The following CSNK1G2 variants were observed in gnomAD, a reference collection of about 807,000 sequenced individuals.
The protein encoded by CSNK1G2 is casein kinase I isoform gamma-2.
In CSNK1G2, 11 loss-of-function variants were observed where a neutral mutation model predicts 48.0. That is an observed-to-expected ratio of 0.23 (90% CI 0.14 to 0.38). CSNK1G2 has a LOEUF of 0.38. Among genes scored for constraint, CSNK1G2 ranks in the 10% least tolerant of loss-of-function variants. The pLI is 1.00. For missense variants in CSNK1G2, 446 were observed against 595.5 expected, an observed-to-expected ratio of 0.75 and a Z score of 2.61; for synonymous variants, 337 against 254.1, an observed-to-expected ratio of 1.33 and a Z score of -3.10.
intron 1 of CSNK1G2, among the ~76,000 whole-genome samples, chr19:1,948,209 G>C (rs977989558): frequency 3.9e-5 from 6 of 152,172 alleles, no homozygotes; most frequent in African/African-American, 7.2e-5. Flanking sequence ...GGCCAGAGCC[G>C]GGCTCACAGC....
intron 1 of CSNK1G2, among the ~76,000 whole-genome samples, chr19:1,949,801 C>T (rs1052975676): frequency 8.5e-5 from 13 of 152,236 alleles, no homozygotes; most frequent in African/African-American, 2.9e-4. Flanking sequence ...TCCTGTCCTT[C>T]GGCCCGATGC....
At chr19:1,967,865 C>T (rs2015421806) in intron 1 of CSNK1G2, among the ~76,000 whole-genome samples, 1 of 35,236 alleles carries the variant, frequency 2.8e-5, no homozygotes, top group Admixed American at 2.2e-4. Context: ...CTCCTCCCTT[C>T]TCCCCAGGCT....
At chr19:1,967,448 A>G (rs1443058235) in intron 1 of CSNK1G2, among the ~76,000 whole-genome samples, 1 of 152,032 alleles carries the variant, frequency 6.6e-6, no homozygotes, top group Admixed American at 6.5e-5. Context: ...GTCTGTCTGG[A>G]GCCCTAGAAT....
Position 1,979,032 on chromosome 19 carries a change from C to G in CSNK1G2, c.621C>G (p.Arg207=). 1.3e-6 allele frequency: 2 copies of G among 1,598,304 alleles called. No homozygotes were observed. Among genetic ancestry groups the G allele is most frequent in the East Asian group, 4.5e-5 (2 of 44,796 alleles). ...AGACCAAGAAGCACATCCCGTACCG[C>G]GAGCACAAGAGCCTGACGGGCACGG... ...DPETKKHIPY[R]EHKSLTGTAR... The change falls in exon 6 of 12, where the codon CGC becomes CGG. Residue 207 remains arginine (R), a synonymous_variant. Transcript: ENST00000255641.
intron 2 of CSNK1G2, among the ~76,000 whole-genome samples, chr19:1,970,286 G>A (rs1007541301): frequency 1.3e-5 from 2 of 152,228 alleles, no homozygotes; most frequent in Non-Finnish European, 2.9e-5. Flanking sequence ...CCATGTGCAC[G>A]CTGGGCGAAG....
At chr19:1,968,409 G>A (rs1161629079) in intron 1 of CSNK1G2, among the ~76,000 whole-genome samples, 5 of 152,120 alleles carry the variant, frequency 3.3e-5, no homozygotes, top group African/African-American at 9.7e-5. Flanking sequence ...GCTGGGGACC[G>A]TCCTGCCTCC....
At chr19:1,947,167 A>T (rs990412736) in intron 1 of CSNK1G2, among the ~76,000 whole-genome samples, 6 of 152,190 alleles carry the variant, frequency 3.9e-5, no homozygotes, top group Non-Finnish European at 8.8e-5. Flanking sequence ...GCTTAAAGGT[A>T]ATCCCTCAAT....
At chr19:1,974,592 T>C (rs2015688609) in intron 2 of CSNK1G2, 1 of 152,260 alleles carries the variant, frequency 6.6e-6, no homozygotes, top group Admixed American at 6.5e-5. Context: ...ACAGCCTCAC[T>C]GGGCGTGGCC....
rs760067478 is a variant in CSNK1G2 at position 1,978,279 on chromosome 19, G to T, written c.188-26G>T. The T allele has an allele frequency of 5.6e-6, 9 of 1,612,884 alleles. No individual in the cohort carries two copies. In the Admixed American group the frequency reaches 6.7e-5, roughly 12 times the overall value. On this transcript the variant is annotated intron_variant, in intron 2 of 11. Coordinates refer to ENST00000255641, the MANE Select transcript of CSNK1G2 (RefSeq NM_001319.7). The surrounding 1 kb of genome is among the most constrained non-coding windows in gnomAD (Gnocchi z 7.3). ...GGGGCTAGGTGGGCCCTGCGCTGGC[G>T]GTGCTGATGGTCTCTGTCCCCGCAG...
At chr19:1,973,148 C>T (rs1199348717) in intron 2 of CSNK1G2, among the ~76,000 whole-genome samples, 3 of 149,650 alleles carry the variant, frequency 2.0e-5, no homozygotes, top group South Asian at 4.3e-4. Flanking sequence ...AGGATGGTCT[C>T]CATTTCCTGA....
At chr19:1,976,998 C>G (rs77534973) in intron 2 of CSNK1G2, among the ~76,000 whole-genome samples, 2,635 of 152,314 alleles carry the variant, frequency 0.017, 52 homozygotes, top group East Asian at 0.054. Context: ...GTCAGCCTCC[C>G]AAAGTGCTGG....
chr19:1,956,848 C>T (rs2145528235), intron 1 of CSNK1G2, among the ~76,000 whole-genome samples: 1 of 152,332 alleles, frequency 6.6e-6, no homozygotes, highest in South Asian at 2.1e-4. Flanking sequence ...CCCCAGGAGG[C>T]TCGTTCCGGA....
intron 1 of CSNK1G2, among the ~76,000 whole-genome samples, chr19:1,943,293 C>G (rs1251684874): frequency 6.6e-6 from 1 of 152,162 alleles, no homozygotes; most frequent in East Asian, 1.9e-4. Context: ...TGATTTGAAC[C>G]TGTCTAGTTC....
intron 1 of CSNK1G2, among the ~76,000 whole-genome samples, chr19:1,963,691 AG>A (rs1399697634): frequency 6.6e-6 from 1 of 151,628 alleles, no homozygotes; most frequent in Non-Finnish European, 1.5e-5. Context: ...TATTTTTAGT[AG>A]GGACAGGGTT....
chr19:1,947,166 TA>T (rs957890351), intron 1 of CSNK1G2, among the ~76,000 whole-genome samples: 4 of 152,302 alleles, frequency 2.6e-5, no homozygotes, highest in South Asian at 2.1e-4. Flanking sequence ...TGCTTAAAGG[TA>T]ATCCCTCAAT....
intron 1 of CSNK1G2, among the ~76,000 whole-genome samples, chr19:1,958,541 C>A (rs1459239002): frequency 1.2e-4 from 16 of 135,586 alleles, no homozygotes; most frequent in Admixed American, 2.3e-4. Context: ...GTCCCTCCGT[C>A]CCCCCGTCCA....
At chr19:1,942,731 C>T (rs1005370916) in intron 1 of CSNK1G2, 2 of 152,220 alleles carry the variant, frequency 1.3e-5, no homozygotes, top group Admixed American at 6.5e-5. Context: ...CCGGGCTACT[C>T]TGCCCTGCAC....
At chr19:1,946,481 C>G (rs1000345091) in intron 1 of CSNK1G2, among the ~76,000 whole-genome samples, 1 of 150,174 alleles carries the variant, frequency 6.7e-6, no homozygotes, top group African/African-American at 2.4e-5. Flanking sequence ...TTAGTAGAGA[C>G]GGGGTTTCAC....
chr19:1,977,166 G>A lies in CSNK1G2; in HGVS notation c.188-1139G>A, dbSNP rs1239466823. ...CCACATGGTGCCCTGTCATGCCGCG[G>A]GACAGGTCGCCCAGCAGATGGTAGC... On this transcript the variant is annotated intron_variant, in intron 2 of 11. Transcript: ENST00000255641. Among the ~76,000 whole-genome samples the A allele has an allele frequency of 2.0e-5, 3 of 152,246 alleles. No homozygotes were observed. The East Asian group carries it at 5.8e-4, about 29-fold the overall frequency.
Sources: gnomAD v4.1 joint callset for allele counts (sites outside exome capture counted in the v4.1 genomes callset) on GRCh38, gnomAD v4.1.1 for gene constraint, Gnocchi (gnomAD v3.1) non-coding constraint, MANE v1.5 for transcripts, NCBI Gene and HGNC (gene_info 2026-07-23, HGNC 2026-07-21) for gene names.